Variants in PATL2 observed in about 807,000 individuals in gnomAD.
The protein encoded by PATL2 is PAT1 homolog 2.
In PATL2, 73 loss-of-function variants were observed where a neutral mutation model predicts 77.0. The observed-to-expected ratio is 0.95, with a 90% CI of 0.78 to 1.15. The LOEUF (loss-of-function observed/expected upper bound fraction) is 1.15, where lower values mean the gene tolerates loss of function less well. Ranked by LOEUF, PATL2 falls within the 50% of genes most tolerant of loss-of-function variation. The probability of loss-of-function intolerance (pLI) is 0.00; values close to 1 mark genes in which losing one functional copy is unlikely to be tolerated. For missense variants in PATL2, 618 were observed against 655.4 expected (o/e 0.94, Z 0.62); for synonymous variants, 265 against 257.1 (o/e 1.03, Z -0.29).
chr15:44,676,226 A>G (rs2085946891), intron 4 of PATL2: 1 of 522,128 alleles, frequency 1.9e-6, no homozygotes, highest in African/African-American at 1.9e-5. Context: ...CATATACTTT[A>G]CGTGCATATG....
chr15:44,701,173 A>T (rs1455520044), intron 3 of PATL2, among the ~76,000 whole-genome samples: 1 of 151,630 alleles, frequency 6.6e-6, no homozygotes, highest in Non-Finnish European at 1.5e-5. Context: ...TGCAGATGAG[A>T]TGAATAATCA....
At position 44,673,312 on chromosome 15, in the gene PATL2, C is replaced by T; in HGVS notation, c.369G>A (p.Gln123=). The change falls in exon 7 of 18, where the codon CAG becomes CAA. Residue 123 remains glutamine (Q), a synonymous_variant. Transcript: ENST00000682850. ...GTGAGGGCAGCCGAGGTCCAAAGTG[C>T]TGTGCTGGAGAGCTGGTGCTGGGAA... ...PTFPSTSSPA[Q]HFGPRLPSPD... is the part of the protein sequence containing the mutation. 1 of 1,551,692 alleles carries T rather than the reference C, an allele frequency of 6.4e-7. No homozygotes were observed. The highest frequency in any genetic ancestry group is 8.7e-7 in the Non-Finnish European group (1 of 1,146,978).
chr15:44,680,489 C>G (rs1009159235), intron 3 of PATL2, among the ~76,000 whole-genome samples: 1 of 152,160 alleles, frequency 6.6e-6, no homozygotes, highest in African/African-American at 2.4e-5. Context: ...ACAGGCCCCC[C>G]ACCTTGCACT....
At chr15:44,684,876 C>G (rs1263097810) in intron 3 of PATL2, among the ~76,000 whole-genome samples, 1 of 152,154 alleles carries the variant, frequency 6.6e-6, no homozygotes, top group Non-Finnish European at 1.5e-5. Flanking sequence ...AAAGGTAAGT[C>G]CATCAGACTA....
chr15:44,697,102 C>T (rs1359056011), intron 3 of PATL2, among the ~76,000 whole-genome samples: 4 of 145,326 alleles, frequency 2.8e-5, no homozygotes, highest in Non-Finnish European at 6.2e-5. Context: ...TAACTATCTC[C>T]TCCTCCTCCT....
At chr15:44,667,260 G>T in intron 15 of PATL2, 57 bp from the exon 16 acceptor site, 2 of 1,277,758 alleles carry the variant, frequency 1.6e-6, no homozygotes, top group South Asian at 1.3e-5. Flanking sequence ...GGCATTTGGT[G>T]CTTTCCTGAC....
rs1327634552 is a variant in PATL2, at chr15:44,669,010, G to A, written c.1194C>T (p.Pro398=). 4 of 1,550,234 alleles carry A rather than the reference G, an allele frequency of 2.6e-6. No homozygotes were observed. Among genetic ancestry groups the A allele is most frequent in the South Asian group, 1.2e-5 (1 of 83,858 alleles). ...TILLAITHHL[P]LLVRRDVADQ... ...CAGCCACATCCCTCCGGACCAGGAG[G>A]GGCAGATGGTGGGTGATAGCCAAAA... The change falls in exon 14 of 18, where the codon CCC becomes CCT. Residue 398 remains proline (P), a synonymous_variant. Coordinates refer to ENST00000682850, the MANE Select transcript of PATL2 (RefSeq NM_001387263.1).
intron 3 of PATL2, among the ~76,000 whole-genome samples, chr15:44,680,486 C>G (rs559945852): frequency 2.6e-5 from 4 of 152,178 alleles, no homozygotes; most frequent in Non-Finnish European, 5.9e-5. Context: ...GCCACAGGCC[C>G]CCCACCTTGC....
chr15:44,706,366 A>G (rs2141273959), intron 3 of PATL2, among the ~76,000 whole-genome samples: 1 of 152,340 alleles, frequency 6.6e-6, no homozygotes, highest in South Asian at 2.1e-4. Flanking sequence ...CTGTATCTGC[A>G]TTAGAGGGCA....
intron 15 of PATL2, 52 bp from the exon 16 acceptor site, chr15:44,667,255 T>G (rs1327398830): frequency 7.5e-7 from 1 of 1,341,456 alleles, no homozygotes; most frequent in Non-Finnish European, 1.0e-6. Flanking sequence ...CACTCGGCAT[T>G]TGGTGCTTTC....
chr15:44,666,476 G>C lies in PATL2; in HGVS notation c.1529C>G (p.Pro510Arg). The change falls in exon 17 of 18, where the codon CCC becomes CGC. Residue 510 changes from proline to arginine, a missense_variant. Pro to Arg is a moderately radical substitution (Grantham distance 103). Coordinates refer to ENST00000682850, the MANE Select transcript of PATL2 (RefSeq NM_001387263.1). The stretch of plus-strand genomic sequence containing the variant: ...AAGTAGGTTGCTGGGGAAAGCTAGG[G>C]GTTCTGCCAGAGAGGCTGTAGGCAT... ...AQMPTASLAE[P>R]LAFPSNLLPL... The C allele has an allele frequency of 1.3e-6, 2 of 1,551,632 alleles. No individual in the cohort carries two copies. The highest frequency in any genetic ancestry group is 1.7e-6 in the Non-Finnish European group (2 of 1,146,956).
rs2085334792 is a variant in PATL2, at chr15:44,665,733, C to A, written c.*220G>T. 7.6e-7 allele frequency: 1 copy of A among 1,316,542 alleles called. No homozygotes were observed. The highest frequency in any genetic ancestry group is 2.6e-4 in the Middle Eastern group (1 of 3,900). 81.6% of individuals were successfully genotyped at this position (1,316,542 alleles called of 1,614,324 possible). The stretch of plus-strand genomic sequence containing the variant: ...AACTTACAAGCAAGTTCCAACACAT[C>A]ATTCTATTATCTCTTTAATTATACC... On this transcript the variant is annotated 3_prime_UTR_variant, in exon 18 of 18. Transcript: ENST00000682850.
chr15:44,700,435 G>A (rs2086603962), intron 3 of PATL2, among the ~76,000 whole-genome samples: 1 of 152,090 alleles, frequency 6.6e-6, no homozygotes. Flanking sequence ...CCTAGTAGCT[G>A]AGACTACAGG....
intron 5 of PATL2, chr15:44,675,173 C>T: frequency 3.2e-6 from 1 of 309,824 alleles, no homozygotes; most frequent in African/African-American, 2.1e-5. Flanking sequence ...GAATGGACTA[C>T]TGAGACAGAG....
Position 44,667,216 on chromosome 15 carries a change from T to G in PATL2, c.1366-13A>C, listed in dbSNP as rs1183775762. The G allele has an allele frequency of 1.9e-6, 3 of 1,539,058 alleles. No individual in the cohort carries two copies. In the East Asian group the frequency reaches 7.3e-5, roughly 38 times the overall value. On this transcript the variant is annotated splice_polypyrimidine_tract_variant and intron_variant, in intron 15 of 17. Transcript: ENST00000682850. Reference sequence around the variant, plus strand: ...AAGATATTCCAAACTGCAAGGGACATATATATATTCCAGAGCAAAATGAGT... The same window carrying G: ...AAGATATTCCAAACTGCAAGGGACAGATATATATTCCAGAGCAAAATGAGT...
chr15:44,667,423 G>GT (rs907532823), intron 15 of PATL2: 8 of 532,878 alleles, frequency 1.5e-5, no homozygotes, highest in African/African-American at 1.3e-4. Context: ...GACACTCTTG[G>GT]AGAGCTGATT....
chr15:44,672,435 A>T lies in PATL2; in HGVS notation c.468T>A (p.Pro156=). The change falls in exon 8 of 18, where the codon CCT becomes CCA. Residue 156 remains proline (P), a synonymous_variant. Transcript: ENST00000682850. ...GCTGCTGCAAGATTCGTTGGTGCCGAGGGTGGAGCTGGGTCAGATGACTGG... is the reference window on the plus strand; with the variant it reads ...GCTGCTGCAAGATTCGTTGGTGCCGTGGGTGGAGCTGGGTCAGATGACTGG... ...PRFSHLTQLH[P]RHQRILQQQQ... is the part of the protein sequence containing the mutation. The T allele has an allele frequency of 6.4e-7, 1 of 1,551,598 alleles. No individual in the cohort carries two copies. Among genetic ancestry groups the T allele is most frequent in the Non-Finnish European group, 8.7e-7 (1 of 1,146,970 alleles).
rs1275805989 is a variant in PATL2, at chr15:44,674,199, G to A, written c.254C>T (p.Ala85Val). 1 of 1,550,776 alleles carries A rather than the reference G, an allele frequency of 6.4e-7. No individual in the cohort carries two copies. The highest frequency in any genetic ancestry group is 1.2e-5 in the South Asian group (1 of 84,032). The change falls in exon 6 of 18, where the codon GCC becomes GTC. Residue 85 changes from alanine (A) to valine (V), a missense_variant. Physicochemically the swap from Ala to Val is moderately conservative, Grantham distance 64. Transcript: ENST00000682850. ...RALLSSPGVKAPGMLGMSLAS... is the reference protein window; with the variant it reads ...RALLSSPGVKVPGMLGMSLAS... ...AAGTGACATTCCCAGCATACCAGGG[G>A]CCTTGACTCCAGGGGAGCTAAGCAG...
chr15:44,675,427 A>G, intron 5 of PATL2, 59 bp downstream of exon 5: 2 of 1,464,696 alleles, frequency 1.4e-6, no homozygotes, highest in African/African-American at 2.8e-5. Context: ...GTTTAGTGAC[A>G]GCCTGTGAGC....
Sources: gnomAD v4.1 joint callset for allele counts (sites outside exome capture counted in the v4.1 genomes callset) on GRCh38, gnomAD v4.1.1 for gene constraint, MANE v1.5 for transcripts, NCBI Gene and HGNC (gene_info 2026-07-23, HGNC 2026-07-21) for gene names.